RMDN2: variants seen among roughly 807,000 people sequenced by gnomAD.
RMDN2 encodes regulator of microtubule dynamics protein 2.
RMDN2 carries 61 observed loss-of-function variants against 52.8 expected under a neutral mutation model. The observed-to-expected ratio is 1.16, with a 90% CI of 0.94 to 1.43. The LOEUF (loss-of-function observed/expected upper bound fraction) is 1.43. Ranked by LOEUF, RMDN2 falls within the 40% of genes most tolerant of loss-of-function variation. The probability of loss-of-function intolerance (pLI) is 0.00; values close to 1 mark genes in which losing one functional copy is unlikely to be tolerated. For missense variants in RMDN2, 592 were observed against 475.3 expected (o/e 1.25, Z -2.28); for synonymous variants, 180 against 153.1 (o/e 1.18, Z -1.30).
At chr2:38,020,131 G>A (rs1350625912), downstream of RMDN2, among the ~76,000 whole-genome samples, 1 of 152,150 alleles carries the variant, frequency 6.6e-6, no homozygotes, top group East Asian at 1.9e-4. Context: ...ATCCGCGGGT[G>A]AGGGGATGGT....
downstream of RMDN2, among the ~76,000 whole-genome samples, chr2:38,020,745 CG>C (rs1399771452): frequency 6.6e-6 from 1 of 152,232 alleles, no homozygotes; most frequent in Non-Finnish European, 1.5e-5. Flanking sequence ...AGCTGCCTCC[CG>C]GCAGGGCAGG....
chr2:37,963,810 C>T (rs982652187), intron 2 of RMDN2, among the ~76,000 whole-genome samples: 14 of 152,286 alleles, frequency 9.2e-5, no homozygotes, highest in African/African-American at 2.6e-4. Flanking sequence ...CATCATGGCC[C>T]GTTCTCAATG....
chr2:38,003,546 T>TGATATATAGATA (rs1676602527), intron 8 of RMDN2, among the ~76,000 whole-genome samples: 1 of 132,378 alleles, frequency 7.6e-6, no homozygotes, highest in Non-Finnish European at 1.6e-5. Flanking sequence ...AAGCAAGACC[T>TGATATATAGATA]GATAGATAGA....
rs370382546 is a variant in RMDN2, at chr2:37,944,184, G to A, written c.452+14455G>A. Among the ~76,000 whole-genome samples the A allele has an allele frequency of 3.9e-5, 6 of 152,140 alleles. No homozygotes were observed. In the East Asian group the frequency reaches 7.7e-4, roughly 20 times the overall value. ...GTTTTCATAACCTGGAGATGAGGCC[G>A]TTGTTTTTGCATGATGTATGTAGTG... On this transcript the variant is annotated intron_variant, in intron 2 of 10. Coordinates refer to ENST00000354545, the MANE Select transcript of RMDN2 (RefSeq NM_001170791.3).
chr2:37,996,864 G>A (rs1263300347), intron 7 of RMDN2, among the ~76,000 whole-genome samples: 5 of 152,036 alleles, frequency 3.3e-5, no homozygotes, highest in Non-Finnish European at 7.4e-5. Flanking sequence ...AAAAATCTTC[G>A]GGATTGTAAA....
At chr2:38,046,743 G>T (rs974479295) in intron 10 of RMDN2, among the ~76,000 whole-genome samples, 12 of 152,158 alleles carry the variant, frequency 7.9e-5, no homozygotes, top group Non-Finnish European at 1.8e-4. Context: ...CCAGCACTTT[G>T]GGAGGCCGAG....
chr2:38,016,573 A>T (rs17412126), intron 10 of RMDN2, among the ~76,000 whole-genome samples: 1 of 152,206 alleles, frequency 6.6e-6, no homozygotes, highest in East Asian at 1.9e-4. Flanking sequence ...CACCTTAGTC[A>T]TAATGAGACA....
Position 38,017,221 on chromosome 2 carries a change from G to C in RMDN2, c.1215G>C (p.Met405Ile), listed in dbSNP as rs565548812. Residue 405 changes from methionine (M) to isoleucine (I), a missense_variant, in exon 11 of 11, where the codon ATG (methionine) becomes ATC (isoleucine). Transcript: ENST00000354545. ...CACAGAAAGAGATGCAAAAAATAAT[G>C]ACTTCCTTGAAGAGGTAAATAAACG... The part of the protein sequence containing the change: ...KEAQKEMQKI[M>I]TSLKR The C allele has an allele frequency of 1.3e-6, 2 of 1,533,528 alleles. No homozygotes were observed. The highest frequency in any genetic ancestry group is 2.5e-5 in the South Asian group (2 of 80,818). The allele number at this position is 1,533,528 out of a possible 1,614,324, so 95.0% of individuals were successfully genotyped here.
intron 4 of RMDN2, among the ~76,000 whole-genome samples, chr2:37,979,349 G>A (rs1407969697): frequency 1.3e-5 from 2 of 152,194 alleles, no homozygotes; most frequent in African/African-American, 4.8e-5. Flanking sequence ...TGTATAAGGA[G>A]TAAGTGCTTA....
At chr2:37,950,938 T>A (rs1042469071) in intron 2 of RMDN2, among the ~76,000 whole-genome samples, 6 of 152,102 alleles carry the variant, frequency 3.9e-5, no homozygotes, top group African/African-American at 1.4e-4. Flanking sequence ...CCCCTGATCT[T>A]TCTTTCTACC....
At chr2:37,925,620 C>T (rs1572656266) in intron 1 of RMDN2, among the ~76,000 whole-genome samples, 195 bp downstream of exon 1, 1 of 152,234 alleles carries the variant, frequency 6.6e-6, no homozygotes, top group Non-Finnish European at 1.5e-5. Context: ...ATAGTGGCTT[C>T]CCGGGTTCAT....
rs539019913 is a variant in RMDN2, at chr2:37,992,796, T to C, written c.945+1499T>C. Among the ~76,000 whole-genome samples, 7 of 152,364 alleles carry C rather than the reference T, an allele frequency of 4.6e-5. No individual in the cohort carries two copies. The East Asian group carries it at 1.3e-3, about 29-fold the overall frequency. On this transcript the variant is annotated intron_variant, in intron 7 of 10. Transcript: ENST00000354545. Reference sequence around the variant, plus strand: ...CATTTTATGTGACTGTAAACATATATTGTAGCTCACTCACTTTTTCAAAAA... The same window carrying C: ...CATTTTATGTGACTGTAAACATATACTGTAGCTCACTCACTTTTTCAAAAA...
At chr2:38,054,576 A>T (rs1225739911) in intron 10 of RMDN2, among the ~76,000 whole-genome samples, 1 of 152,218 alleles carries the variant, frequency 6.6e-6, no homozygotes, top group Admixed American at 6.5e-5. Flanking sequence ...ACATCACAAG[A>T]TTAATAAATG....
At chr2:37,935,359 G>A (rs1572695711) in intron 2 of RMDN2, among the ~76,000 whole-genome samples, 1 of 152,104 alleles carries the variant, frequency 6.6e-6, no homozygotes, top group Non-Finnish European at 1.5e-5. Flanking sequence ...TTGTTCATTT[G>A]TGTTTTTACT....
At chr2:37,997,656 C>T (rs551530877) in intron 8 of RMDN2, 142 bp downstream of exon 8, 1 of 623,114 alleles carries the variant, frequency 1.6e-6, no homozygotes, top group Admixed American at 2.9e-5. Flanking sequence ...TTAAGCCCCT[C>T]ATAATGCAAG....
At chr2:37,986,929 T>C (rs142881737) in intron 5 of RMDN2, among the ~76,000 whole-genome samples, 4 of 152,240 alleles carry the variant, frequency 2.6e-5, no homozygotes, top group Non-Finnish European at 5.9e-5. Flanking sequence ...AAGGTAAGGA[T>C]GTTCCCTCTT....
At chr2:37,965,220 A>G (rs1211614551) in intron 2 of RMDN2, among the ~76,000 whole-genome samples, 2 of 151,928 alleles carry the variant, frequency 1.3e-5, no homozygotes, top group African/African-American at 4.8e-5. Context: ...AATCCCATTT[A>G]TATTTGAAGT....
At position 38,050,797 on chromosome 2, in the gene RMDN2, C is replaced by T. The variant is rs547815762; in HGVS notation, c.1714-16185C>T. 8.6e-4 allele frequency among the ~76,000 whole-genome samples: 131 copies of T among 152,290 alleles called. 1 individual carries two copies. The highest frequency in any genetic ancestry group is 6.3e-4 in the African/African-American group (26 of 41,556). ...TTTCTGAGACAGAGGCTCGCTCTGT[C>T]GCACAGGCTGGAGTGCGGTGGCACG... On this transcript the variant is annotated intron_variant, in intron 10 of 10. Transcript: ENST00000234195.
chr2:37,942,734 G>C (rs898829829), intron 2 of RMDN2, among the ~76,000 whole-genome samples: 1 of 152,142 alleles, frequency 6.6e-6, no homozygotes, highest in Non-Finnish European at 1.5e-5. Flanking sequence ...TTTAAAAAAA[G>C]AAAAGTCACA....
Sources: allele counts gnomAD v4.1 joint callset (sites outside exome capture counted in the v4.1 genomes callset), GRCh38; gene constraint gnomAD v4.1.1; transcripts MANE v1.5; gene names NCBI Gene and HGNC (gene_info 2026-07-23, HGNC 2026-07-21).